CFAP54: variants seen among roughly 807,000 people sequenced by gnomAD.
CFAP54 encodes the protein cilia and flagella associated protein 54.
In CFAP54, 290 loss-of-function variants were observed where a neutral mutation model predicts 370.4. The observed-to-expected ratio is 0.78, with a 90% CI of 0.71 to 0.86. The LOEUF (loss-of-function observed/expected upper bound fraction) is 0.86. Ranked by LOEUF, CFAP54 falls within the 40% of genes least tolerant of loss-of-function variation. The pLI, the probability that CFAP54 is intolerant of heterozygous loss-of-function variation, is 0.00. For missense variants in CFAP54, 3,399 were observed against 3,528.7 expected (o/e 0.96, Z 0.93); for synonymous variants, 1,206 against 1,236.5 (o/e 0.98, Z 0.52).
intron 28 of CFAP54, among the ~76,000 whole-genome samples, chr12:96,625,214 TA>T (rs1480165832): frequency 2.0e-5 from 3 of 152,214 alleles, no homozygotes; most frequent in Admixed American, 1.3e-4. Context: ...AAGAAGATAC[TA>T]TTATTATCTC....
chr12:96,713,324 T>A (rs934190210), intron 48 of CFAP54, among the ~76,000 whole-genome samples: 6 of 152,066 alleles, frequency 3.9e-5, no homozygotes, highest in Non-Finnish European at 8.8e-5. Context: ...AAATATGATA[T>A]ATATACACGA....
At chr12:96,588,335 C>T (rs963891343) in intron 22 of CFAP54, among the ~76,000 whole-genome samples, 9 of 152,188 alleles carry the variant, frequency 5.9e-5, no homozygotes, top group Admixed American at 5.2e-4. Flanking sequence ...TCAACTCAAG[C>T]CCTGCCTTTT....
At chr12:96,653,572 C>A (rs542750706) in intron 36 of CFAP54, among the ~76,000 whole-genome samples, 1 of 151,984 alleles carries the variant, frequency 6.6e-6, no homozygotes, top group African/African-American at 2.4e-5. Flanking sequence ...ATATTTGAAA[C>A]TAATAATAAC....
At chr12:96,684,876 C>G (rs1957308502) in intron 41 of CFAP54, 141 bp downstream of exon 41, 1 of 942,122 alleles carries the variant, frequency 1.1e-6, no homozygotes, top group Non-Finnish European at 1.6e-6. Flanking sequence ...TCATCAAATG[C>G]TACCTGAGAG....
At chr12:96,638,964 C>T (rs907789334) in intron 32 of CFAP54, among the ~76,000 whole-genome samples, 1 of 152,084 alleles carries the variant, frequency 6.6e-6, no homozygotes, top group South Asian at 2.1e-4. Context: ...TATTTCTTGC[C>T]GTCTGCTAGC....
At chr12:96,793,241 G>T (rs1217795331) in intron 63 of CFAP54, among the ~76,000 whole-genome samples, 1 of 151,774 alleles carries the variant, frequency 6.6e-6, no homozygotes, top group Non-Finnish European at 1.5e-5. Context: ...TTATACATTT[G>T]CATCCTCATA....
At chr12:96,583,676 T>C (rs1233497944) in intron 22 of CFAP54, among the ~76,000 whole-genome samples, 2 of 152,200 alleles carry the variant, frequency 1.3e-5, no homozygotes, top group East Asian at 3.8e-4. Flanking sequence ...AAAGGGTGTC[T>C]CAGGGAGGTT....
chr12:96,516,862 T>C (rs1474443916), intron 5 of CFAP54, among the ~76,000 whole-genome samples: 1 of 152,160 alleles, frequency 6.6e-6, no homozygotes, highest in Non-Finnish European at 1.5e-5. Flanking sequence ...CTTTAAATGG[T>C]GTAAGCTGAT....
At position 96,630,642 on chromosome 12, in the gene CFAP54, C is replaced by T; in HGVS notation, c.4307C>T (p.Ala1436Val). 1 of 1,484,500 alleles carries T rather than the reference C, an allele frequency of 6.7e-7. No individual in the cohort carries two copies. The highest frequency in any genetic ancestry group is 1.3e-5 in the South Asian group (1 of 75,360). 92.0% of individuals were successfully genotyped at this position (1,484,500 alleles called of 1,614,324 possible). ...AATCCGGCTATTTCTGAAATGGTGG[C>T]ACATGAAAGGTATTCACTAATTAAT... ...FKNPAISEMV[A>V]HERNRRTSVR... The change falls in exon 32 of 68, where the codon GCA becomes GTA. Residue 1436 changes from alanine (A) to valine (V), a missense_variant. Ala to Val is a moderately conservative substitution (Grantham distance 64). Transcript: ENST00000524981.
Position 96,651,791 on chromosome 12 carries a change from A to G in CFAP54, c.5076A>G (p.Gln1692=), listed in dbSNP as rs1281596897. ...GAELLIDMLI[Q]LQNTSSIKPI... ...AATTACTTATTGACATGTTAATACA[A>G]CTACAAAATACCAGTTCTATTAAGG... Residue 1692 remains glutamine, a synonymous_variant, in exon 36 of 68, where the codon CAA becomes CAG. Coordinates refer to ENST00000524981, the MANE Select transcript of CFAP54 (RefSeq NM_001306084.2). 3 of 1,597,872 alleles carry G rather than the reference A, an allele frequency of 1.9e-6. No homozygotes were observed. Among genetic ancestry groups the G allele is most frequent in the Non-Finnish European group, 2.6e-6 (3 of 1,165,310 alleles).
intron 6 of CFAP54, among the ~76,000 whole-genome samples, chr12:96,521,471 G>A (rs1432617693): frequency 6.6e-6 from 1 of 151,560 alleles, no homozygotes; most frequent in Non-Finnish European, 1.5e-5. Context: ...GTCATGATAG[G>A]AAGGTTAGGA....
intron 63 of CFAP54, among the ~76,000 whole-genome samples, chr12:96,804,368 A>G (rs1034721558): frequency 6.6e-6 from 1 of 152,158 alleles, no homozygotes; most frequent in East Asian, 1.9e-4. Context: ...TGCTGATCTT[A>G]AAACTAAAAA....
chr12:96,751,716 G>A lies in CFAP54; in HGVS notation c.7685-2027G>A, dbSNP rs117526062. Among the ~76,000 whole-genome samples, 267 of 152,284 alleles carry A rather than the reference G, an allele frequency of 1.8e-3. 6 individuals carry two copies. In the East Asian group the frequency reaches 0.046, roughly 26 times the overall value. On this transcript the variant is annotated intron_variant, in intron 55 of 67. Coordinates refer to ENST00000524981, the MANE Select transcript of CFAP54 (RefSeq NM_001306084.2). ...GTTGATAATTGTTGAGGTTAAGAGT[G>A]TGGGCTCTAAGAAGGAATTCTTATT...
chr12:96,592,002 C>T (rs892918174), intron 23 of CFAP54, among the ~76,000 whole-genome samples: 1 of 150,464 alleles, frequency 6.6e-6, no homozygotes, highest in African/African-American at 2.5e-5. Context: ...TTGATGTAAT[C>T]GAACATGAAT....
intron 34 of CFAP54, among the ~76,000 whole-genome samples, 172 bp downstream of exon 34, chr12:96,648,189 T>TA (rs1466467499): frequency 1.3e-5 from 2 of 152,208 alleles, no homozygotes; most frequent in African/African-American, 4.8e-5. Context: ...TGCTCTATTT[T>TA]AAAAAATTTC....
chr12:96,716,436 T>A (rs58946739), intron 48 of CFAP54, among the ~76,000 whole-genome samples: 5,641 of 152,304 alleles, frequency 0.037, 359 homozygotes, highest in African/African-American at 0.13. Context: ...CTGCTTGCAC[T>A]TCCATAAGTG....
At chr12:96,615,491 C>G (rs868039067) in intron 26 of CFAP54, among the ~76,000 whole-genome samples, 4 of 152,194 alleles carry the variant, frequency 2.6e-5, no homozygotes, top group South Asian at 2.1e-4. Context: ...GCAATGGCAA[C>G]AAAAGCCAAA....
At chr12:96,521,136 TTCATA>T (rs1955306832) in intron 6 of CFAP54, among the ~76,000 whole-genome samples, 1 of 152,234 alleles carries the variant, frequency 6.6e-6, no homozygotes, top group Non-Finnish European at 1.5e-5. Context: ...AATGTAACCC[TTCATA>T]TATGTTAATA....
intron 43 of CFAP54, among the ~76,000 whole-genome samples, chr12:96,690,708 A>C (rs567970180): frequency 2.0e-5 from 3 of 152,114 alleles, no homozygotes; most frequent in Non-Finnish European, 4.4e-5. Context: ...CCTTTCTGCC[A>C]TCGTTAGCTG....
Sources: gnomAD v4.1 joint callset for allele counts (sites outside exome capture counted in the v4.1 genomes callset) on GRCh38, gnomAD v4.1.1 for gene constraint, MANE v1.5 for transcripts, NCBI Gene and HGNC (gene_info 2026-07-23, HGNC 2026-07-21) for gene names.